NAV3: variants seen among roughly 807,000 people sequenced by gnomAD.
NAV3 encodes pore membrane and/or filament interacting like protein 1.
Under a neutral mutation model 244.7 loss-of-function variants are expected in NAV3, and 87 were observed. That is an observed-to-expected ratio of 0.36 (90% CI 0.30 to 0.42). The LOEUF (loss-of-function observed/expected upper bound fraction) is 0.42, where lower values mean the gene tolerates loss of function less well. Ranked by LOEUF, NAV3 falls within the 20% of genes least tolerant of loss-of-function variation. The pLI, the probability that NAV3 is intolerant of heterozygous loss-of-function variation, is 1.00. For synonymous variants in NAV3, 1,126 were observed against 1,042.2 expected (o/e 1.08, Z -1.55); for missense variants, 2,663 against 2,893.3 (o/e 0.92, Z 1.83).
chr12:77,891,696 C>T (rs1883959738), intron 1 of NAV3, among the ~76,000 whole-genome samples: 1 of 152,198 alleles, frequency 6.6e-6, no homozygotes, highest in African/African-American at 2.4e-5. Context: ...GAAACTGAAG[C>T]TTAGAGAGTT....
intron 2 of NAV3, among the ~76,000 whole-genome samples, chr12:77,660,115 TA>T (rs575126196): frequency 1.7e-3 from 251 of 147,364 alleles, no homozygotes; most frequent in African/African-American, 3.5e-3. Context: ...ATCATAATAA[TA>T]AAAAAAAAAG....
intron 1 of NAV3, among the ~76,000 whole-genome samples, chr12:77,936,475 TAAA>T (rs907082522): frequency 4.6e-5 from 7 of 152,192 alleles, no homozygotes; most frequent in Non-Finnish European, 1.0e-4. Context: ...CATTCATGAT[TAAA>T]ATCTTCAATG....
intron 11 of NAV3, among the ~76,000 whole-genome samples, chr12:78,053,162 G>C (rs1883004304): frequency 6.6e-6 from 1 of 151,436 alleles, no homozygotes; most frequent in South Asian, 2.1e-4. Flanking sequence ...GCAGTGAGCT[G>C]AGATTGCACC....
At chr12:77,685,827 T>C (rs1874715714) in intron 2 of NAV3, among the ~76,000 whole-genome samples, 1 of 152,222 alleles carries the variant, frequency 6.6e-6, no homozygotes, top group African/African-American at 2.4e-5. Context: ...AATTTATAAA[T>C]AGAAAAATTT....
intron 2 of NAV3, among the ~76,000 whole-genome samples, chr12:77,669,569 A>G (rs1314002926): frequency 2.0e-5 from 3 of 152,130 alleles, no homozygotes; most frequent in Non-Finnish European, 4.4e-5. Context: ...ATCAGACAAA[A>G]CAAACTTTAA....
At chr12:77,797,931 G>A (rs1871509681) in intron 2 of NAV3, among the ~76,000 whole-genome samples, 1 of 151,574 alleles carries the variant, frequency 6.6e-6, no homozygotes, top group African/African-American at 2.4e-5. Context: ...TACTTTGGGA[G>A]GCCAAGGCAA....
intron 2 of NAV3, among the ~76,000 whole-genome samples, chr12:77,771,131 G>T (rs1345552074): frequency 6.6e-6 from 1 of 152,158 alleles, no homozygotes; most frequent in Non-Finnish European, 1.5e-5. Flanking sequence ...CTCAAAAGAA[G>T]ACATTTATGC....
chr12:77,633,211 T>A (rs546180351), intron 2 of NAV3, among the ~76,000 whole-genome samples: 26 of 152,242 alleles, frequency 1.7e-4, no homozygotes, highest in African/African-American at 5.5e-4. Flanking sequence ...TTAAGTTAGA[T>A]TGCAACTATA....
intron 2 of NAV3, among the ~76,000 whole-genome samples, chr12:77,721,152 C>T (rs1488190985): frequency 2.0e-5 from 3 of 152,054 alleles, no homozygotes; most frequent in East Asian, 1.9e-4. Flanking sequence ...TTCACAGCTC[C>T]GAAACTCTAT....
intron 1 of NAV3, among the ~76,000 whole-genome samples, chr12:77,872,882 A>G (rs1161374968): frequency 6.6e-6 from 1 of 152,190 alleles, no homozygotes; most frequent in Admixed American, 6.5e-5. Flanking sequence ...AAGTTTTTAC[A>G]AACCTTTATC....
intron 18 of NAV3, among the ~76,000 whole-genome samples, chr12:78,129,368 G>A (rs1420582420): frequency 6.6e-6 from 1 of 152,100 alleles, no homozygotes; most frequent in Non-Finnish European, 1.5e-5. Context: ...ATGACTCAAA[G>A]TTAACTTCTT....
intron 1 of NAV3, among the ~76,000 whole-genome samples, chr12:77,904,290 T>G (rs1341228012): frequency 6.6e-6 from 1 of 152,078 alleles, no homozygotes; most frequent in Non-Finnish European, 1.5e-5. Flanking sequence ...GTGGCACATA[T>G]ACACCATGGA....
At chr12:77,626,143 G>A (rs1238166365) in intron 2 of NAV3, among the ~76,000 whole-genome samples, 1 of 151,894 alleles carries the variant, frequency 6.6e-6, no homozygotes, top group African/African-American at 2.4e-5. Context: ...AGAATTCAAT[G>A]GTAAAAGTAA....
At chr12:77,688,272 A>G (rs1874849221) in intron 2 of NAV3, among the ~76,000 whole-genome samples, 2 of 152,084 alleles carry the variant, frequency 1.3e-5, no homozygotes, top group South Asian at 4.1e-4. Context: ...ATGGTGTTTG[A>G]TAAAGGGGAC....
intron 1 of NAV3, among the ~76,000 whole-genome samples, chr12:77,885,165 G>C (rs1227012930): frequency 6.6e-6 from 1 of 151,946 alleles, no homozygotes; most frequent in African/African-American, 2.4e-5. Flanking sequence ...TCCTATATGG[G>C]TTAAGCAATT....
At chr12:77,747,808 T>A (rs1225609581) in intron 2 of NAV3, among the ~76,000 whole-genome samples, 1 of 151,936 alleles carries the variant, frequency 6.6e-6, no homozygotes, top group Non-Finnish European at 1.5e-5. Context: ...CTGCATGTTC[T>A]CACTCATAGG....
chr12:78,020,301 C>T (rs1322745101), intron 8 of NAV3, among the ~76,000 whole-genome samples: 1 of 152,084 alleles, frequency 6.6e-6, no homozygotes, highest in Non-Finnish European at 1.5e-5. Context: ...TAAATGCTGC[C>T]GAGATACCAA....
intron 11 of NAV3, among the ~76,000 whole-genome samples, chr12:78,053,413 C>A (rs1883050430): frequency 6.6e-6 from 1 of 151,958 alleles, no homozygotes; most frequent in African/African-American, 2.4e-5. Flanking sequence ...GAGCATTTGG[C>A]CACAATATTT....
At chr12:77,781,119 A>T (rs1442605437) in intron 2 of NAV3, among the ~76,000 whole-genome samples, 1 of 152,192 alleles carries the variant, frequency 6.6e-6, no homozygotes, top group Non-Finnish European at 1.5e-5. Context: ...CAAGGCTGCA[A>T]TGAAGGTGTT....
Sources: allele counts gnomAD v4.1 joint callset (sites outside exome capture counted in the v4.1 genomes callset), GRCh38; gene constraint gnomAD v4.1.1; transcripts MANE v1.5; gene names NCBI Gene and HGNC (gene_info 2026-07-23, HGNC 2026-07-21).